COBL: variants seen among roughly 807,000 people sequenced by gnomAD.
The protein encoded by COBL is cordon-bleu WH2 repeat protein.
A neutral mutation model predicts 98.8 loss-of-function variants in COBL; 51 were observed. The ratio of observed to expected loss-of-function variants is 0.52; its 90% CI spans 0.41 to 0.65. The LOEUF (loss-of-function observed/expected upper bound fraction) is 0.65, where lower values mean the gene tolerates loss of function less well. Ranked by LOEUF, COBL falls within the 30% of genes least tolerant of loss-of-function variation. The pLI is 0.00. For synonymous variants in COBL, 634 were observed against 651.7 expected (o/e 0.97, Z 0.41); for missense variants, 1,617 against 1,617.5 (o/e 1.00, Z 0.01).
intron 3 of COBL, among the ~76,000 whole-genome samples, 175 bp downstream of exon 3, chr7:51,193,204 T>C (rs1326181973): frequency 6.6e-6 from 1 of 152,240 alleles, no homozygotes; most frequent in African/African-American, 2.4e-5. Flanking sequence ...TTCAATTGTG[T>C]ACATTTTGTC....
At chr7:51,143,211 T>C (rs1228782754) in intron 5 of COBL, among the ~76,000 whole-genome samples, 1 of 152,128 alleles carries the variant, frequency 6.6e-6, no homozygotes, top group Non-Finnish European at 1.5e-5. Context: ...TGCATGCGTG[T>C]GTGTGTGTCT....
chr7:51,073,518 T>C, intron 7 of COBL: 1 of 463,994 alleles, frequency 2.2e-6, no homozygotes, highest in Non-Finnish European at 3.9e-6. Context: ...CAAAGCATAT[T>C]GTTATTGTTT....
At chr7:51,056,288 G>C (rs114879240) in intron 7 of COBL, among the ~76,000 whole-genome samples, 1 of 151,920 alleles carries the variant, frequency 6.6e-6, no homozygotes, top group Non-Finnish European at 1.5e-5. Flanking sequence ...GGCACAGCCT[G>C]AGTGTGAGCA....
At chr7:51,102,979 C>T (rs969684559) in intron 6 of COBL, among the ~76,000 whole-genome samples, 16 of 152,140 alleles carry the variant, frequency 1.1e-4, no homozygotes, top group African/African-American at 3.9e-4. Flanking sequence ...TCTAGAGATC[C>T]GCTGCACAGG....
At chr7:51,217,344 T>C (rs960266314) in intron 2 of COBL, among the ~76,000 whole-genome samples, 8 of 148,096 alleles carry the variant, frequency 5.4e-5, no homozygotes, top group African/African-American at 7.5e-5. Flanking sequence ...CTTTTTCTTT[T>C]TTTTTTTTTT....
intron 5 of COBL, among the ~76,000 whole-genome samples, chr7:51,176,975 T>C (rs1277549854): frequency 2.0e-5 from 3 of 152,194 alleles, no homozygotes; most frequent in African/African-American, 7.2e-5. Context: ...AGTTTTAAAA[T>C]TGTTGGTAAA....
intron 5 of COBL, among the ~76,000 whole-genome samples, chr7:51,148,431 A>G (rs1264162071): frequency 1.3e-5 from 2 of 152,156 alleles, no homozygotes; most frequent in African/African-American, 4.8e-5. Context: ...CCTCTCCCCA[A>G]GTTGCAGGTA....
At chr7:51,264,188 G>A (rs1424879560) in intron 1 of COBL, among the ~76,000 whole-genome samples, 1 of 152,124 alleles carries the variant, frequency 6.6e-6, no homozygotes, top group Admixed American at 6.6e-5. Flanking sequence ...AGGCAAGGAA[G>A]GATGGGTGCA....
chr7:51,156,632 C>T lies in COBL; in HGVS notation c.784-20301G>A. ...TGGAGGGTCAAATATTGAGAAATAG[C>T]TAGTCATTTGTTCAGGCTATTTTTA... On this transcript the variant is annotated intron_variant, in intron 5 of 12. Coordinates refer to ENST00000265136, the MANE Select transcript of COBL (RefSeq NM_015198.5). The T allele has an allele frequency of 3.1e-6, 3 of 970,968 alleles. No individual in the cohort carries two copies. In the South Asian group the frequency reaches 1.4e-4, roughly 47 times the overall value. 60.1% of individuals were successfully genotyped at this position (970,968 alleles called of 1,614,324 possible). A position where few individuals can be genotyped will look rare whatever the true frequency, so the allele number is the denominator to read the frequency against.
At chr7:51,085,735 T>TG (rs1253770761) in intron 6 of COBL, among the ~76,000 whole-genome samples, 5 of 152,168 alleles carry the variant, frequency 3.3e-5, no homozygotes, top group African/African-American at 1.2e-4. Flanking sequence ...GAAGAGCTGA[T>TG]GGGGGCAGCT....
intron 1 of COBL, among the ~76,000 whole-genome samples, chr7:51,294,121 T>C (rs1375381313): frequency 6.6e-6 from 1 of 151,646 alleles, no homozygotes; most frequent in Non-Finnish European, 1.5e-5. Context: ...TGAAACCCCA[T>C]CTCTACTAAA....
intron 6 of COBL, among the ~76,000 whole-genome samples, chr7:51,086,358 GAAAAAAAA>G (rs57609497): frequency 2.7e-4 from 20 of 74,834 alleles, no homozygotes; most frequent in South Asian, 1.2e-3. Context: ...CTGTGTCTCA[GAAAAAAAA>G]AAAAAAAAAA....
chr7:51,130,760 G>C (rs1310227247), intron 6 of COBL, among the ~76,000 whole-genome samples: 1 of 152,148 alleles, frequency 6.6e-6, no homozygotes, highest in Non-Finnish European at 1.5e-5. Flanking sequence ...CGTGTCTTTG[G>C]GAGTCTGGTC....
chr7:51,240,064 T>G lies in COBL; in HGVS notation c.42-20120A>C, dbSNP rs1023333007. On this transcript the variant is annotated intron_variant, in intron 1 of 12. Transcript: ENST00000265136. Reference sequence around the variant, plus strand: ...TTTTTATATATTACAAAATATTATTTTCCTGTTAATTTTTTTAAAAAATAC... The same window carrying G: ...TTTTTATATATTACAAAATATTATTGTCCTGTTAATTTTTTTAAAAAATAC... 5.9e-5 allele frequency among the ~76,000 whole-genome samples: 9 copies of G among 152,338 alleles called. No individual in the cohort carries two copies. In the East Asian group the frequency reaches 1.7e-3, roughly 29 times the overall value.
In COBL at chr7:51,082,240, G is replaced by A. The variant is rs139117037; in HGVS notation, c.1096+2926C>T. ...GCACCAGCAGGGCTCCTGGCCGCAT[G>A]CACAGTGATATTGCGCTGCTCCGTG... On this transcript the variant is annotated intron_variant, in intron 7 of 12. Coordinates refer to ENST00000265136, the MANE Select transcript of COBL (RefSeq NM_015198.5). Among the ~76,000 whole-genome samples, 567 of 152,300 alleles carry A rather than the reference G, an allele frequency of 3.7e-3. 4 individuals are homozygous for A. Among genetic ancestry groups the A allele is most frequent in the African/African-American group, 0.013 (553 of 41,574 alleles).
chr7:51,310,936 G>A (rs1157217493), intron 1 of COBL, among the ~76,000 whole-genome samples: 3 of 151,476 alleles, frequency 2.0e-5, no homozygotes, highest in East Asian at 3.9e-4. Flanking sequence ...GATTACAGGC[G>A]TAAGCCACTG....
At chr7:51,177,305 T>C (rs1271359349) in intron 5 of COBL, among the ~76,000 whole-genome samples, 1 of 152,180 alleles carries the variant, frequency 6.6e-6, no homozygotes, top group Non-Finnish European at 1.5e-5. Flanking sequence ...TCCTTTTTTC[T>C]GGGCTCTGTA....
chr7:51,256,575 C>G (rs939828790), intron 1 of COBL, among the ~76,000 whole-genome samples: 1 of 152,244 alleles, frequency 6.6e-6, no homozygotes, highest in African/African-American at 2.4e-5. Context: ...TGGGGCAGCA[C>G]CACTACCCGG....
intron 1 of COBL, among the ~76,000 whole-genome samples, chr7:51,235,770 G>C (rs538538156): frequency 6.6e-6 from 1 of 152,082 alleles, no homozygotes; most frequent in Non-Finnish European, 1.5e-5. Context: ...AACAAACATT[G>C]TAAGTCAGGC....
Sources: allele counts gnomAD v4.1 joint callset (sites outside exome capture counted in the v4.1 genomes callset), GRCh38; gene constraint gnomAD v4.1.1; transcripts MANE v1.5; gene names NCBI Gene and HGNC (gene_info 2026-07-23, HGNC 2026-07-21).